The following STON1 variants were observed in gnomAD, a reference collection of about 807,000 sequenced individuals.
STON1 encodes the protein stonin-1.
STON1 carries 79 observed loss-of-function variants against 60.9 expected under a neutral mutation model. The ratio of observed to expected loss-of-function variants is 1.30; its 90% CI spans 1.08 to 1.56. STON1 has a LOEUF of 1.56. Among genes scored for constraint, STON1 ranks in the 40% most tolerant of loss-of-function variants. The pLI is 0.00. For synonymous variants in STON1, 363 were observed against 306.9 expected, an observed-to-expected ratio of 1.18 and a Z score of -1.91; for missense variants, 1,166 against 858.9, an observed-to-expected ratio of 1.36 and a Z score of -4.47.
chr2:48,544,326 G>C (rs1671776701), intron 1 of STON1, among the ~76,000 whole-genome samples: 1 of 152,132 alleles, frequency 6.6e-6, no homozygotes, highest in South Asian at 2.1e-4. Context: ...CACAAAAATA[G>C]CTTTTCCATT....
At chr2:48,577,352 G>T (rs922510022) in intron 1 of STON1, among the ~76,000 whole-genome samples, 3 of 152,090 alleles carry the variant, frequency 2.0e-5, no homozygotes, top group African/African-American at 7.2e-5. Flanking sequence ...GGAGGCCGAG[G>T]TGGGCAGATC....
chr2:48,582,070 G>T lies in STON1; in HGVS notation c.1437G>T (p.Gly479=). The change falls in exon 2 of 4, where the codon GGG becomes GGT. Residue 479 remains glycine, a synonymous_variant. Coordinates refer to ENST00000404752, the MANE Select transcript of STON1 (RefSeq NM_006873.4). ...ATGAGAAGGACTCAGAAAAAAAGGG[G>T]ATTGATATTCTTGACTACCATTTTC... The part of the protein sequence containing the change: ...SYYEKDSEKK[G]IDILDYHFHK... 1.2e-6 allele frequency: 2 copies of T among 1,614,146 alleles called. No homozygotes were observed. The highest frequency in any genetic ancestry group is 3.3e-5 in the Admixed American group (2 of 60,010).
At chr2:48,564,408 T>TTCTTCTTCC (rs1558603836) in intron 1 of STON1, among the ~76,000 whole-genome samples, 1 of 21,808 alleles carries the variant, frequency 4.6e-5, no homozygotes, top group African/African-American at 1.6e-4. Context: ...TGGCGGTGTC[T>TTCTTCTTCC]TCTTCTTCTT....
intron 2 of STON1, among the ~76,000 whole-genome samples, chr2:48,585,469 G>A (rs929143038): frequency 1.3e-5 from 2 of 151,908 alleles, no homozygotes; most frequent in South Asian, 2.1e-4. Flanking sequence ...GGCTGGTCTC[G>A]AACTCCCAAC....
At chr2:48,590,636 A>AACACACACACACACACAC (rs6146756) in intron 2 of STON1, among the ~76,000 whole-genome samples, 53,238 of 141,858 alleles carry the variant, frequency 0.38, 10,454 homozygotes, top group South Asian at 0.49. Flanking sequence ...ATTTCCTTAT[A>AACACACACACACACACAC]ACACACACAC....
intron 1 of STON1, among the ~76,000 whole-genome samples, chr2:48,572,765 G>A (rs1234709719): frequency 6.6e-6 from 1 of 152,184 alleles, no homozygotes; most frequent in African/African-American, 2.4e-5. Flanking sequence ...CCTATAGGAG[G>A]GTTATTTTGG....
rs1343171407 is a variant in STON1, at chr2:48,597,651, A to G, written c.*2349A>G. On this transcript the variant is annotated 3_prime_UTR_variant, in exon 4 of 4. Coordinates refer to ENST00000404752, the MANE Select transcript of STON1 (RefSeq NM_006873.4). ...AATAGCAAAAGCTGGACTAAAGCCC[A>G]AATGGATTGTCTGTGGCAATGCAGA... 2 of 152,678 alleles carry G rather than the reference A, an allele frequency of 1.3e-5. No homozygotes were observed. Among genetic ancestry groups the G allele is most frequent in the Non-Finnish European group, 2.9e-5 (2 of 68,048 alleles). 9.5% of individuals were successfully genotyped at this position (152,678 alleles called of 1,614,324 possible). A position where few individuals can be genotyped will look rare whatever the true frequency, so the allele number is the denominator to read the frequency against.
chr2:48,564,528 C>A (rs1256100818), intron 1 of STON1, among the ~76,000 whole-genome samples: 1 of 43,350 alleles, frequency 2.3e-5, no homozygotes, highest in Non-Finnish European at 4.7e-5. Flanking sequence ...TCTTCTTCTT[C>A]TTCTTCTTCT....
At chr2:48,539,827 A>C (rs889361732) in intron 1 of STON1, among the ~76,000 whole-genome samples, 2 of 151,908 alleles carry the variant, frequency 1.3e-5, no homozygotes, top group Non-Finnish European at 2.9e-5. Context: ...TAGGCCACTC[A>C]TTTTCTACTC....
At chr2:48,569,032 T>C (rs921229250) in intron 1 of STON1, 7 of 152,236 alleles carry the variant, frequency 4.6e-5, no homozygotes, top group Non-Finnish European at 1.0e-4. Context: ...ACTTTGGGAC[T>C]GGACAGACCT....
Position 48,582,458 on chromosome 2 carries a change from C to T in STON1, c.1825C>T (p.Leu609Phe), listed in dbSNP as rs764186149. ...RRACLGSLQE[L>F]ESEPVIQVTV... ...AGCATGTCTGGGGAGTTTACAGGAA[C>T]TTGAATCTGAACCTGTCATTCAAGT... Residue 609 changes from leucine (L) to phenylalanine (F), a missense_variant, in exon 2 of 4, where the codon CTT (leucine) becomes TTT (phenylalanine). Leu to Phe is a conservative substitution (Grantham distance 22). Coordinates refer to ENST00000404752, the MANE Select transcript of STON1 (RefSeq NM_006873.4). The T allele has an allele frequency of 2.5e-6, 4 of 1,614,114 alleles. No individual in the cohort carries two copies. The highest frequency in any genetic ancestry group is 3.4e-6 in the Non-Finnish European group (4 of 1,180,060).
At chr2:48,583,398 TG>T (rs1674013792) in intron 2 of STON1, among the ~76,000 whole-genome samples, 1 of 152,204 alleles carries the variant, frequency 6.6e-6, no homozygotes, top group Non-Finnish European at 1.5e-5. Flanking sequence ...CTAAACTGGT[TG>T]TTTTAGAATT....
intron 1 of STON1, among the ~76,000 whole-genome samples, chr2:48,552,091 T>C (rs1672129628): frequency 1.3e-5 from 2 of 152,206 alleles, no homozygotes; most frequent in African/African-American, 4.8e-5. Context: ...TACTCCAAAA[T>C]GTTGAGGTTT....
intron 3 of STON1, among the ~76,000 whole-genome samples, chr2:48,593,048 T>A (rs528092805): frequency 6.6e-6 from 1 of 152,218 alleles, no homozygotes; most frequent in Non-Finnish European, 1.5e-5. Flanking sequence ...AGTAGATATA[T>A]GGATGTCTCC....
chr2:48,532,790 C>T (rs940369853), intron 1 of STON1, among the ~76,000 whole-genome samples: 10 of 152,278 alleles, frequency 6.6e-5, no homozygotes, highest in African/African-American at 2.2e-4. Flanking sequence ...ATGAAGGCTA[C>T]ATCCCCAGAC....
At chr2:48,557,327 A>C (rs1672419404) in intron 1 of STON1, among the ~76,000 whole-genome samples, 1 of 81,928 alleles carries the variant, frequency 1.2e-5, no homozygotes, top group East Asian at 4.3e-4. Context: ...CGCTCCTCAC[A>C]TCCCAGATGG....
At chr2:48,562,084 C>T (rs1672637095) in intron 1 of STON1, among the ~76,000 whole-genome samples, 1 of 152,192 alleles carries the variant, frequency 6.6e-6, no homozygotes, top group African/African-American at 2.4e-5. Flanking sequence ...TTGTCTCTAA[C>T]TCCTGACCTT....
At chr2:48,550,243 T>A (rs13007318) in intron 1 of STON1, among the ~76,000 whole-genome samples, 95,443 of 151,816 alleles carry the variant, frequency 0.63, 30,310 homozygotes, top group South Asian at 0.74. Flanking sequence ...CATGCTTGTA[T>A]TCCCAGCACT....
chr2:48,539,152 A>G (rs1671554123), intron 1 of STON1, among the ~76,000 whole-genome samples: 1 of 152,150 alleles, frequency 6.6e-6, no homozygotes, highest in Admixed American at 6.6e-5. Context: ...TCCTGTCCTC[A>G]GGTGATCCTC....
Sources: allele counts gnomAD v4.1 joint callset (sites outside exome capture counted in the v4.1 genomes callset), GRCh38; gene constraint gnomAD v4.1.1; transcripts MANE v1.5; gene names NCBI Gene and HGNC (gene_info 2026-07-23, HGNC 2026-07-21).